CDKN2B-AS1: variants seen among roughly 807,000 people sequenced by gnomAD.
The protein encoded by CDKN2B-AS1 is CDKN2B and CDKN2A antisense cis and trans regulatory RNA 1.
At chr9:22,065,913 T>G (rs1356192392) in intron 4 of CDKN2B-AS1, among the ~76,000 whole-genome samples, 1 of 152,232 alleles carries the variant, frequency 6.6e-6, no homozygotes, top group East Asian at 1.9e-4. Context: ...CCGTAGCTCT[T>G]TGTTCTGAGC....
intron 4 of CDKN2B-AS1, among the ~76,000 whole-genome samples, chr9:22,071,475 G>C (rs1246150626): frequency 6.6e-6 from 1 of 151,616 alleles, no homozygotes; most frequent in Admixed American, 6.6e-5. Flanking sequence ...ATTGAGTTTA[G>C]TTTAAAGATG....
chr9:22,078,176 G>C (rs1235903817), intron 4 of CDKN2B-AS1, among the ~76,000 whole-genome samples: 1 of 152,108 alleles, frequency 6.6e-6, no homozygotes, highest in Non-Finnish European at 1.5e-5. Flanking sequence ...ACTAGCATAA[G>C]ATAGAATAGG....
At chr9:22,112,363 C>T (rs1160454718) in intron 4 of CDKN2B-AS1, 1 of 152,168 alleles carries the variant, frequency 6.6e-6, no homozygotes, top group Non-Finnish European at 1.5e-5. Context: ...GCTAGCACTT[C>T]CCGAGTTCTA....
chr9:22,072,117 A>C (rs1824319790), intron 4 of CDKN2B-AS1, among the ~76,000 whole-genome samples: 1 of 152,212 alleles, frequency 6.6e-6, no homozygotes, highest in Non-Finnish European at 1.5e-5. Context: ...TTGCATTTGG[A>C]TCACAGGCCT....
chr9:22,023,842 T>C (rs1822114099), intron 1 of CDKN2B-AS1, among the ~76,000 whole-genome samples: 1 of 152,236 alleles, frequency 6.6e-6, no homozygotes, highest in South Asian at 2.1e-4. Context: ...TGCAATGCTT[T>C]ATTAGAATTT....
At chr9:22,122,245 A>G (rs1281632777) in intron 4 of CDKN2B-AS1, among the ~76,000 whole-genome samples, 1 of 151,696 alleles carries the variant, frequency 6.6e-6, no homozygotes, top group Non-Finnish European at 1.5e-5. Context: ...CTCTTTAATT[A>G]GATTGTTTTT....
intron 1 of CDKN2B-AS1, among the ~76,000 whole-genome samples, chr9:22,037,240 C>T (rs1822724405): frequency 6.6e-6 from 1 of 152,064 alleles, no homozygotes; most frequent in Non-Finnish European, 1.5e-5. Flanking sequence ...TCAGCTTCTT[C>T]AGTGGGATAA....
At chr9:22,088,896 G>C (rs1447565060) in intron 4 of CDKN2B-AS1, among the ~76,000 whole-genome samples, 2 of 152,148 alleles carry the variant, frequency 1.3e-5, no homozygotes, top group African/African-American at 4.8e-5. Context: ...AAAATAAACA[G>C]AAGTGACTGG....
intron 4 of CDKN2B-AS1, among the ~76,000 whole-genome samples, chr9:22,091,390 T>G (rs1038377765): frequency 9.9e-5 from 15 of 152,162 alleles, no homozygotes; most frequent in Non-Finnish European, 1.8e-4. Flanking sequence ...TGATGGGGAT[T>G]GCATTGAATC....
rs575311446 is a variant in CDKN2B-AS1 at position 22,019,945 on chromosome 9, G to A, written n.29+24784G>A. Among the ~76,000 whole-genome samples, 256 of 152,232 alleles carry A rather than the reference G, an allele frequency of 1.7e-3. 5 individuals carry two copies. Among genetic ancestry groups the A allele is most frequent in the African/African-American group, 5.9e-3 (245 of 41,556 alleles). ...TAAACTTCTGTCATGAGGGTTTGTT[G>A]TACAGATTGTTTCATCACCCAGGTA... is the stretch of plus-strand genomic sequence containing the variant. On this transcript the variant is annotated intron_variant and non_coding_transcript_variant, in intron 1 of 4. Transcript: ENST00000650946.
At chr9:22,099,765 A>G (rs748800706) in intron 4 of CDKN2B-AS1, among the ~76,000 whole-genome samples, 1 of 152,172 alleles carries the variant, frequency 6.6e-6, no homozygotes, top group Non-Finnish European at 1.5e-5. Flanking sequence ...AGGAATGTGC[A>G]GTACATATTC....
At chr9:22,057,201 G>A (rs1823607612) in intron 4 of CDKN2B-AS1, among the ~76,000 whole-genome samples, 1 of 152,058 alleles carries the variant, frequency 6.6e-6, no homozygotes, top group African/African-American at 2.4e-5. Context: ...CTTTCCAAAA[G>A]TTAACTCATA....
intron 4 of CDKN2B-AS1, among the ~76,000 whole-genome samples, chr9:22,124,360 C>A (rs1317177380): frequency 1.3e-5 from 2 of 152,126 alleles, no homozygotes; most frequent in Non-Finnish European, 2.9e-5. Flanking sequence ...TCTAAACTAA[C>A]AAACAGCCAA....
At chr9:22,045,920 T>C (rs1462222685) in intron 1 of CDKN2B-AS1, among the ~76,000 whole-genome samples, 2 of 152,150 alleles carry the variant, frequency 1.3e-5, no homozygotes, top group Non-Finnish European at 1.5e-5. Context: ...TACAATACTA[T>C]ACTACACAAA....
At position 22,029,585 on chromosome 9, in the gene CDKN2B-AS1, A is replaced by G. The variant is rs1587426596; in HGVS notation, n.30-17166A>G. The G allele has an allele frequency of 1.3e-5, 10 of 756,898 alleles. No homozygotes were observed. The East Asian group carries it at 2.2e-4, about 17-fold the overall frequency. The allele number at this position is 756,898 out of a possible 1,614,324, so 46.9% of individuals were successfully genotyped here. On this transcript the variant is annotated intron_variant and non_coding_transcript_variant, in intron 1 of 4. Transcript: ENST00000650946. ...TGTGGTATGTGCCACTGAGGCCCAC[A>G]CCTATTGCTGTAAGTGCTGTTTGGG...
chr9:22,044,959 C>G (rs1442040780), intron 1 of CDKN2B-AS1, among the ~76,000 whole-genome samples: 1 of 151,302 alleles, frequency 6.6e-6, no homozygotes, highest in African/African-American at 2.4e-5. Flanking sequence ...ACCATGTATA[C>G]ATTTCATATG....
intron 1 of CDKN2B-AS1, among the ~76,000 whole-genome samples, chr9:22,033,258 G>T (rs1351531556): frequency 6.6e-6 from 1 of 152,176 alleles, no homozygotes; most frequent in Non-Finnish European, 1.5e-5. Context: ...CTACCTAAAA[G>T]ATTTTCACTT....
intron 4 of CDKN2B-AS1, among the ~76,000 whole-genome samples, chr9:22,060,115 C>G (rs1049488718): frequency 7.2e-5 from 11 of 152,310 alleles, no homozygotes; most frequent in Admixed American, 3.3e-4. Flanking sequence ...CATTAGGCCC[C>G]ATGCTACTTA....
At chr9:22,022,230 G>A (rs1010214351) in intron 1 of CDKN2B-AS1, among the ~76,000 whole-genome samples, 2 of 151,976 alleles carry the variant, frequency 1.3e-5, no homozygotes, top group Admixed American at 6.6e-5. Flanking sequence ...CTGTCTCGGT[G>A]ATCTGTCTAA....
Sources: allele counts gnomAD v4.1 joint callset (sites outside exome capture counted in the v4.1 genomes callset), GRCh38; gene constraint gnomAD v4.1.1; transcripts MANE v1.5; gene names NCBI Gene and HGNC (gene_info 2026-07-23, HGNC 2026-07-21).